Variants in ALDH2 observed in about 807,000 individuals in gnomAD.
The protein encoded by ALDH2 is aldehyde dehydrogenase 2 family member.
Under a neutral mutation model 59.6 loss-of-function variants are expected in ALDH2, and 44 were observed. The ratio of observed to expected loss-of-function variants is 0.74; its 90% CI spans 0.58 to 0.95. ALDH2 has a LOEUF of 0.95. ALDH2 is among the 40% of genes least tolerant of loss of function. ALDH2 has a pLI of 0.00. For missense variants in ALDH2, 570 were observed against 696.3 expected, an observed-to-expected ratio of 0.82 and a Z score of 2.04; for synonymous variants, 291 against 284.0, an observed-to-expected ratio of 1.02 and a Z score of -0.25.
At chr12:111,783,016 G>A (rs539961470) in intron 2 of ALDH2, 142 bp from the exon 3 acceptor site, 46 of 1,041,764 alleles carry the variant, frequency 4.4e-5, no homozygotes, top group African/African-American at 6.4e-5. Context: ...GGGCTCTGCC[G>A]GGCTAGGAGC....
At chr12:111,795,933 A>G (rs943402759) in intron 9 of ALDH2, among the ~76,000 whole-genome samples, 8 of 152,074 alleles carry the variant, frequency 5.3e-5, no homozygotes, top group Non-Finnish European at 1.2e-4. Context: ...GCTAATTATT[A>G]AGATAATATA....
At chr12:111,790,675 C>T in intron 6 of ALDH2, 113 bp downstream of exon 6, 1 of 1,407,802 alleles carries the variant, frequency 7.1e-7, no homozygotes, top group East Asian at 2.3e-5. Context: ...TTTGTGGAGC[C>T]CCCATCACCA....
chr12:111,788,003 C>T (rs1431444447), intron 4 of ALDH2, among the ~76,000 whole-genome samples: 7 of 151,748 alleles, frequency 4.6e-5, no homozygotes, highest in African/African-American at 1.7e-4. Flanking sequence ...CGCGCCACTG[C>T]ACTCCAGCCT....
At chr12:111,788,765 G>A (rs1325152315) in intron 4 of ALDH2, among the ~76,000 whole-genome samples, 1 of 152,068 alleles carries the variant, frequency 6.6e-6, no homozygotes, top group Non-Finnish European at 1.5e-5. Flanking sequence ...ACTTTGGGAG[G>A]CCAAGGCAGG....
chr12:111,797,854 G>A (rs1823799973), intron 9 of ALDH2, among the ~76,000 whole-genome samples: 1 of 152,124 alleles, frequency 6.6e-6, no homozygotes, highest in Admixed American at 6.6e-5. Context: ...TCTTATAGTT[G>A]AAAAGTAAAG....
chr12:111,784,415 G>T (rs970379553), intron 3 of ALDH2, among the ~76,000 whole-genome samples: 1 of 152,182 alleles, frequency 6.6e-6, no homozygotes, highest in Non-Finnish European at 1.5e-5. Context: ...TCCCATGCTT[G>T]ATGGCCAAGC....
chr12:111,800,110 A>G, intron 11 of ALDH2, 47 bp downstream of exon 11: 2 of 1,552,294 alleles, frequency 1.3e-6, no homozygotes, highest in Non-Finnish European at 1.7e-6. Context: ...AGATTCCTCA[A>G]AGCCAGGGCC....
rs1359442004 is a variant in ALDH2, at chr12:111,811,195, A to C, written c.*1620A>C. The C allele has an allele frequency of 1.3e-5, 2 of 151,810 alleles. No individual in the cohort carries two copies. The highest frequency in any genetic ancestry group is 6.6e-5 in the Admixed American group (1 of 15,228). The allele number at this position is 151,810 out of a possible 1,614,324, so 9.4% of individuals were successfully genotyped here. A position where few individuals can be genotyped will look rare whatever the true frequency, so the allele number is the denominator to read the frequency against. On this transcript the variant is annotated 3_prime_UTR_variant, in exon 13 of 13. Coordinates refer to ENST00000261733, the MANE Select transcript of ALDH2 (RefSeq NM_000690.4). ...CTACTGAAAATACAAAAAAAAAAAA[A>C]AAAACTAGCCGGGCATGGTGGCTCA...
intron 3 of ALDH2, among the ~76,000 whole-genome samples, chr12:111,784,983 G>A (rs900004707): frequency 1.3e-5 from 2 of 152,176 alleles, no homozygotes; most frequent in African/African-American, 4.8e-5. Flanking sequence ...CTCTATCCCA[G>A]CACCTGGATA....
At chr12:111,772,141 G>A (rs1355425753) in intron 1 of ALDH2, among the ~76,000 whole-genome samples, 2 of 151,966 alleles carry the variant, frequency 1.3e-5, no homozygotes, top group African/African-American at 4.8e-5. Flanking sequence ...AATACCCCAT[G>A]AGCAGATATT....
intron 12 of ALDH2, among the ~76,000 whole-genome samples, chr12:111,807,899 C>T (rs2068509609): frequency 6.7e-6 from 1 of 149,950 alleles, no homozygotes; most frequent in Non-Finnish European, 1.5e-5. Context: ...TTTTCTGAGC[C>T]AGAGTCTTGC....
At chr12:111,783,911 C>T (rs1566185450) in intron 3 of ALDH2, among the ~76,000 whole-genome samples, 1 of 152,118 alleles carries the variant, frequency 6.6e-6, no homozygotes, top group Non-Finnish European at 1.5e-5. Flanking sequence ...GAATGGACAC[C>T]TCTCCCTCGG....
chr12:111,777,847 G>C (rs565972402), intron 1 of ALDH2, among the ~76,000 whole-genome samples: 1 of 152,250 alleles, frequency 6.6e-6, no homozygotes, highest in South Asian at 2.1e-4. Context: ...AGAAAGAAGG[G>C]TGCCATTTCC....
At chr12:111,799,471 A>ATT (rs749835920) in intron 10 of ALDH2, among the ~76,000 whole-genome samples, 1 of 140,074 alleles carries the variant, frequency 7.1e-6, no homozygotes, top group South Asian at 2.3e-4. Flanking sequence ...CTGGCCAAAA[A>ATT]TTTTTTTTTT....
Position 111,816,356 on chromosome 12 carries a change from GCT to G in ALDH2, c.*6782_*6783del, listed in dbSNP as rs1438693517. ...AAGGGGGGGTGGTTGTCGGTCAGCA[GCT>G]TGATTCACAGCAGGCTCACAAGATT... On this transcript the variant is annotated 3_prime_UTR_variant, in exon 13 of 13. Transcript: ENST00000261733. 3 of 152,236 alleles carry G rather than the reference GCT, an allele frequency of 2.0e-5. No homozygotes were observed. The highest frequency in any genetic ancestry group is 7.2e-5 in the African/African-American group (3 of 41,454). The allele number at this position is 152,236 out of a possible 1,614,324, so 9.4% of individuals were successfully genotyped here.
intron 1 of ALDH2, among the ~76,000 whole-genome samples, chr12:111,773,108 G>A (rs1007166514): frequency 3.3e-5 from 5 of 151,528 alleles, no homozygotes; most frequent in African/African-American, 7.3e-5. Flanking sequence ...AAAATTGGCC[G>A]GTGTGGTGGC....
At chr12:111,797,929 T>C (rs2068418159) in intron 9 of ALDH2, 149 bp from the exon 10 acceptor site, 2 of 855,192 alleles carry the variant, frequency 2.3e-6, no homozygotes, top group Admixed American at 2.5e-5. Context: ...TTTTCTGCTA[T>C]TGGCCCTGTG....
intron 3 of ALDH2, among the ~76,000 whole-genome samples, chr12:111,784,765 C>A (rs1469246471): frequency 6.6e-6 from 1 of 152,178 alleles, no homozygotes; most frequent in Non-Finnish European, 1.5e-5. Context: ...CAGGTGTGCA[C>A]CACCATGCCC....
chr12:111,781,764 A>G (rs1236927836), intron 1 of ALDH2, among the ~76,000 whole-genome samples, 154 bp from the exon 2 acceptor site: 1 of 151,930 alleles, frequency 6.6e-6, no homozygotes, highest in Non-Finnish European at 1.5e-5. Flanking sequence ...TCTGGCCTAG[A>G]TTGTCTGCAA....
Sources: allele counts gnomAD v4.1 joint callset (sites outside exome capture counted in the v4.1 genomes callset), GRCh38; gene constraint gnomAD v4.1.1; transcripts MANE v1.5; gene names NCBI Gene and HGNC (gene_info 2026-07-23, HGNC 2026-07-21).